HDAC4: variants seen among roughly 807,000 people sequenced by gnomAD.
HDAC4 encodes the protein histone deacetylase 4.
In HDAC4, 16 loss-of-function variants were observed where a neutral mutation model predicts 135.1. The ratio of observed to expected loss-of-function variants is 0.12; its 90% CI spans 0.08 to 0.18. The LOEUF is 0.18. Among genes scored for constraint, HDAC4 ranks in the 10% least tolerant of loss-of-function variants. The pLI is 1.00. For missense variants in HDAC4, 1,143 were observed against 1,511.8 expected (o/e 0.76, Z 4.05); for synonymous variants, 685 against 653.4 (o/e 1.05, Z -0.74).
In HDAC4 at chr2:239,115,870, T is replaced by C. The variant is rs1273860787; in HGVS notation, c.1534-560A>G. On this transcript the variant is annotated intron_variant, in intron 12 of 26. Coordinates refer to ENST00000543185, the MANE Select transcript of HDAC4 (RefSeq NM_001378414.1). The surrounding 1 kb of genome is among the most constrained non-coding windows in gnomAD (Gnocchi z 6.3). Reference sequence around the variant, plus strand: ...GGGAACACTCCAGGACCTCCCTTCCTGCTGAATCCCAGGGATGCCACGGCC... The same window carrying C: ...GGGAACACTCCAGGACCTCCCTTCCCGCTGAATCCCAGGGATGCCACGGCC... Among the ~76,000 whole-genome samples the C allele has an allele frequency of 6.6e-6, 1 of 151,520 alleles. No individual in the cohort carries two copies. The highest frequency in any genetic ancestry group is 2.4e-5 in the African/African-American group (1 of 41,192).
Position 239,313,596 on chromosome 2 carries a change from C to T in HDAC4, c.22+39082G>A, listed in dbSNP as rs1181700322. Among the ~76,000 whole-genome samples, 2 of 152,070 alleles carry T rather than the reference C, an allele frequency of 1.3e-5. No individual in the cohort carries two copies. Among genetic ancestry groups the T allele is most frequent in the Admixed American group, 6.5e-5 (1 of 15,276 alleles). On this transcript the variant is annotated intron_variant, in intron 2 of 26. Coordinates refer to ENST00000543185, the MANE Select transcript of HDAC4 (RefSeq NM_001378414.1). This position sits in a 1 kb window ranked among gnomAD's most constrained non-coding sequence, Gnocchi z 5.1. ...GGTCAGGCCCTTAGCACCTCCTGAC[C>T]CCCCGATCTCCCAGACTCTCTGCTG...
intron 4 of HDAC4, among the ~76,000 whole-genome samples, chr2:239,187,953 A>T (rs748193986): frequency 2.6e-5 from 4 of 152,244 alleles, no homozygotes; most frequent in Non-Finnish European, 4.4e-5. Context: ...TTTGTCAAAC[A>T]CTGACATTAG....
intron 1 of HDAC4, among the ~76,000 whole-genome samples, chr2:239,365,302 T>C (rs1007484943): frequency 1.3e-5 from 2 of 152,244 alleles, no homozygotes; most frequent in East Asian, 1.9e-4. Flanking sequence ...ATTTATACTT[T>C]AGTTTCATAA....
At chr2:239,380,419 T>C (rs890227258) in intron 1 of HDAC4, among the ~76,000 whole-genome samples, 12 of 152,372 alleles carry the variant, frequency 7.9e-5, no homozygotes, top group African/African-American at 2.9e-4. Context: ...GTAGCTATAG[T>C]TATTGTATGT....
intron 14 of HDAC4, among the ~76,000 whole-genome samples, chr2:239,109,002 G>A (rs979474834): frequency 1.3e-5 from 2 of 152,238 alleles, no homozygotes; most frequent in Non-Finnish European, 2.9e-5. Context: ...GGACCGCTGT[G>A]AAGGGGAGAG....
chr2:239,325,985 CA>C (rs1420056669), intron 2 of HDAC4, among the ~76,000 whole-genome samples: 1 of 151,898 alleles, frequency 6.6e-6, no homozygotes, highest in African/African-American at 2.4e-5. Flanking sequence ...AAATTAAGCA[CA>C]AAATTATCAT....
Position 239,048,550 on chromosome 2 carries a change from A to G in HDAC4, c.*4547T>C, listed in dbSNP as rs2106343554. 1 of 118,540 alleles carries G rather than the reference A, an allele frequency of 8.4e-6. No homozygotes were observed. Among genetic ancestry groups the G allele is most frequent in the Non-Finnish European group, 1.9e-5 (1 of 53,668 alleles). 7.3% of individuals were successfully genotyped at this position (118,540 alleles called of 1,614,324 possible). ...AGAAGCTCTTGGGTGAGTAAGGTTCAAGCCCCCTGTATAGATAGATAGATA... is the reference window on the plus strand; with the variant it reads ...AGAAGCTCTTGGGTGAGTAAGGTTCGAGCCCCCTGTATAGATAGATAGATA... On this transcript the variant is annotated 3_prime_UTR_variant, in exon 27 of 27. Transcript: ENST00000543185.
chr2:239,220,083 C>A (rs989947902), intron 3 of HDAC4, among the ~76,000 whole-genome samples: 1 of 152,168 alleles, frequency 6.6e-6, no homozygotes, highest in African/African-American at 2.4e-5. Context: ...TTTACAAAAA[C>A]CAATGCCACA....
chr2:239,206,072 C>T (rs948366890), intron 3 of HDAC4, among the ~76,000 whole-genome samples: 2 of 152,148 alleles, frequency 1.3e-5, no homozygotes, highest in Non-Finnish European at 2.9e-5. Flanking sequence ...CTTACGCCTG[C>T]AATCCCACAC....
intron 12 of HDAC4, among the ~76,000 whole-genome samples, chr2:239,116,413 C>G (rs1559458708): frequency 1.3e-5 from 2 of 152,250 alleles, no homozygotes; most frequent in African/African-American, 4.8e-5. Context: ...AGTCACACCC[C>G]AAGCTCCCAA....
chr2:239,280,990 C>T (rs1425545032), intron 2 of HDAC4, among the ~76,000 whole-genome samples: 2 of 129,262 alleles, frequency 1.5e-5, no homozygotes, highest in Non-Finnish European at 3.4e-5. Context: ...CCACTCTACA[C>T]ACAATGTACA....
At chr2:239,321,038 T>G (rs1575690251) in intron 2 of HDAC4, among the ~76,000 whole-genome samples, 1 of 152,326 alleles carries the variant, frequency 6.6e-6, no homozygotes, top group East Asian at 1.9e-4. Flanking sequence ...AACTACATAA[T>G]GTACTGTTAT....
chr2:239,108,734 GAACACATATGCTAGAA>G (rs1344009651), intron 14 of HDAC4, among the ~76,000 whole-genome samples: 1 of 152,198 alleles, frequency 6.6e-6, no homozygotes, highest in Non-Finnish European at 1.5e-5. Flanking sequence ...AGAGGGACTG[GAACACATATGCTAGAA>G]AACACACGCA....
chr2:239,185,095 T>C (rs1197369677), intron 4 of HDAC4, among the ~76,000 whole-genome samples: 2 of 107,440 alleles, frequency 1.9e-5, no homozygotes, highest in Admixed American at 2.5e-4. Context: ...CCTCGGTGAC[T>C]ACCCTGGAGG....
rs76784130 is a variant in HDAC4 at position 239,240,265 on chromosome 2, G to A, written c.23-3601C>T. On this transcript the variant is annotated intron_variant, in intron 2 of 26. Transcript: ENST00000543185. This position sits in a 1 kb window ranked among gnomAD's most constrained non-coding sequence, Gnocchi z 4.5. ...AAGCGTGGCCAGTGGGGCAAAGAAC[G>A]TCTGTCACCAGGGTGAAATAGACAA... is the stretch of plus-strand genomic sequence containing the variant. Among the ~76,000 whole-genome samples the A allele has an allele frequency of 1.3e-5, 2 of 152,246 alleles. No individual in the cohort carries two copies. The highest frequency in any genetic ancestry group is 4.8e-5 in the African/African-American group (2 of 41,464).
At chr2:239,355,721 T>C (rs568539036) in intron 1 of HDAC4, among the ~76,000 whole-genome samples, 1 of 152,368 alleles carries the variant, frequency 6.6e-6, no homozygotes, top group African/African-American at 2.4e-5. Context: ...TGTTTATTTA[T>C]CTTCAAATAG....
chr2:239,265,660 G>T (rs2049677884), intron 2 of HDAC4, among the ~76,000 whole-genome samples: 1 of 152,230 alleles, frequency 6.6e-6, no homozygotes. Flanking sequence ...CCAGGCCACA[G>T]CGCCGGCACC....
intron 2 of HDAC4, among the ~76,000 whole-genome samples, chr2:239,266,438 G>C (rs1315150617): frequency 6.6e-6 from 1 of 152,154 alleles, no homozygotes; most frequent in South Asian, 2.1e-4. Flanking sequence ...TGCCCAGGGG[G>C]GCCTGGCCCT....
intron 2 of HDAC4, among the ~76,000 whole-genome samples, chr2:239,267,324 C>T (rs962109748): frequency 2.0e-5 from 3 of 152,190 alleles, no homozygotes; most frequent in East Asian, 1.9e-4. Context: ...ACCAGACAGA[C>T]GGCCTCTGAT....
Sources: allele counts gnomAD v4.1 joint callset (sites outside exome capture counted in the v4.1 genomes callset), GRCh38; gene constraint gnomAD v4.1.1; non-coding constraint Gnocchi (gnomAD v3.1); transcripts MANE v1.5; gene names NCBI Gene and HGNC (gene_info 2026-07-23, HGNC 2026-07-21).